Variants in DAAM1 observed in about 807,000 individuals in gnomAD.
The protein encoded by DAAM1 is dishevelled associated activator of morphogenesis 1.
In DAAM1, 52 loss-of-function variants were observed where a neutral mutation model predicts 130.0. The ratio of observed to expected loss-of-function variants is 0.40; its 90% confidence interval spans 0.32 to 0.50. The LOEUF (loss-of-function observed/expected upper bound fraction) is 0.50. Among genes scored for constraint, DAAM1 ranks in the 20% least tolerant of loss-of-function variants. The pLI is 0.61. For missense variants in DAAM1, 1,134 were observed against 1,303.8 expected (o/e 0.87, Z 2.01); for synonymous variants, 452 against 444.5 (o/e 1.02, Z -0.21).
chr14:59,319,958 C>T (rs1019534112), intron 4 of DAAM1, among the ~76,000 whole-genome samples: 1 of 151,986 alleles, frequency 6.6e-6, no homozygotes, highest in Non-Finnish European at 1.5e-5. Flanking sequence ...ACTCCATATC[C>T]TGATTTCTAA....
intron 16 of DAAM1, among the ~76,000 whole-genome samples, chr14:59,343,989 A>G (rs775146583): frequency 2.6e-5 from 4 of 152,218 alleles, no homozygotes; most frequent in Non-Finnish European, 5.9e-5. Context: ...CATGGGTGAC[A>G]TGTAGCAATT....
At chr14:59,233,876 A>G (rs1166753338) in intron 1 of DAAM1, among the ~76,000 whole-genome samples, 2 of 152,172 alleles carry the variant, frequency 1.3e-5, no homozygotes, top group Non-Finnish European at 2.9e-5. Flanking sequence ...AGCACAATTT[A>G]TCAGATAGAG....
chr14:59,268,389 C>T (rs1882558216), intron 2 of DAAM1, among the ~76,000 whole-genome samples: 2 of 152,194 alleles, frequency 1.3e-5, no homozygotes, highest in Admixed American at 1.3e-4. Flanking sequence ...CATATGGTAA[C>T]ACTGTGTTGA....
At chr14:59,364,580 C>T (rs1481423039) in intron 23 of DAAM1, among the ~76,000 whole-genome samples, 2 of 152,116 alleles carry the variant, frequency 1.3e-5, no homozygotes, top group African/African-American at 4.8e-5. Context: ...CACTCTTCCC[C>T]ACCCCATTGG....
In DAAM1 at chr14:59,323,006, AAAGGCGTTAATGAAC is replaced by A; in HGVS notation, c.558_572del (p.Lys186_Asn190del). 6.2e-7 allele frequency: 1 copy of A among 1,614,164 alleles called. No homozygotes were observed. The highest frequency in any genetic ancestry group is 8.5e-7 in the Non-Finnish European group (1 of 1,180,022). On this transcript the variant is annotated inframe_deletion, in exon 6 of 25. Transcript: ENST00000360909. The stretch of plus-strand genomic sequence containing the variant: ...TACATACTTCTCTCATTGGCTGTAT[AAAGGCGTTAATGAAC>A]AACTCTCAAGGCCGGGCTCACGTCC...
intron 22 of DAAM1, 98 bp downstream of exon 22, chr14:59,360,960 C>T (rs1886683320): frequency 2.1e-6 from 2 of 973,958 alleles, no homozygotes; most frequent in Non-Finnish European, 1.5e-6. Flanking sequence ...TGTGGTATGC[C>T]CGGGATAAAC....
chr14:59,275,841 AC>A (rs1435910355), intron 2 of DAAM1, among the ~76,000 whole-genome samples: 2 of 152,202 alleles, frequency 1.3e-5, no homozygotes, highest in Admixed American at 1.3e-4. Flanking sequence ...TCAAATGAAA[AC>A]ATGTCTATCA....
intron 12 of DAAM1, among the ~76,000 whole-genome samples, chr14:59,330,215 C>T (rs1885371145): frequency 6.6e-6 from 1 of 152,182 alleles, no homozygotes; most frequent in Admixed American, 6.5e-5. Flanking sequence ...CATTCTCCTC[C>T]ACAAGAAGTC....
Position 59,330,591 on chromosome 14 carries a change from A to G in DAAM1, c.1463A>G (p.Asn488Ser). 6.2e-7 allele frequency: 1 copy of G among 1,614,104 alleles called. No individual in the cohort carries two copies. The highest frequency in any genetic ancestry group is 8.5e-7 in the Non-Finnish European group (1 of 1,179,992). Reference protein sequence around the residue: ...QEKEEMMQTLNKMKEKLEKET... With the variant: ...QEKEEMMQTLSKMKEKLEKET... ...AAGGAAGAGATGATGCAGACCTTAA[A>G]TAAAATGAAAGAGAAACTTGAAAAG... Residue 488 changes from asparagine (N) to serine (S), a missense_variant, in exon 13 of 25, where the codon AAT becomes AGT. Physicochemically the swap from Asn to Ser is conservative, Grantham distance 46 (BLOSUM62 1). This residue lies in a region of DAAM1 where 391 missense variants were observed against 521.6 expected (regional missense o/e 0.75). Transcript: ENST00000360909.
In DAAM1 at chr14:59,363,672, C is replaced by T. The variant is rs1886800523; in HGVS notation, c.2716C>T (p.Gln906Ter). The change falls in exon 23 of 25, where the codon CAG becomes TAG. Residue 906 changes from glutamine (Q) to a stop codon, truncating the protein, a stop_gained. Coordinates refer to ENST00000360909, the MANE Select transcript of DAAM1 (RefSeq NM_001270520.2). LOFTEE classifies it high-confidence loss of function. The part of the protein sequence containing the change: ...VETELEYQKS[Q>*]PPQPGDKFVS... Reference sequence around the variant, plus strand: ...TAAGGAGCTGGAATATCAGAAGTCTCAGCCCCCACAGCCCGGAGATAAGTT... The same window carrying T: ...TAAGGAGCTGGAATATCAGAAGTCTTAGCCCCCACAGCCCGGAGATAAGTT... 6.2e-7 allele frequency: 1 copy of T among 1,613,950 alleles called. No individual in the cohort carries two copies. Among genetic ancestry groups the T allele is most frequent in the Admixed American group, 1.7e-5 (1 of 59,992 alleles).
At chr14:59,309,976 T>G (rs7145041) in intron 3 of DAAM1, among the ~76,000 whole-genome samples, 64,005 of 151,684 alleles carry the variant, frequency 0.42, 13,726 homozygotes, top group East Asian at 0.56. Flanking sequence ...ATAAACTATT[T>G]TGGCCTATCT....
chr14:59,210,736 T>C lies in DAAM1; in HGVS notation c.-38+21968T>C, dbSNP rs367686711. Among the ~76,000 whole-genome samples the C allele has an allele frequency of 3.3e-5, 5 of 152,320 alleles. No homozygotes were observed. The East Asian group carries it at 7.7e-4, about 23-fold the overall frequency. Reference sequence around the variant, plus strand: ...CTTAATCTTAGTAGTTTTCTGCTGATGGTGTGACTGCTACAAAGAAGGCTT... The same window carrying C: ...CTTAATCTTAGTAGTTTTCTGCTGACGGTGTGACTGCTACAAAGAAGGCTT... On this transcript the variant is annotated intron_variant, in intron 1 of 24. Transcript: ENST00000360909.
chr14:59,302,089 A>T (rs1358880077), intron 3 of DAAM1, among the ~76,000 whole-genome samples: 1 of 152,238 alleles, frequency 6.6e-6, no homozygotes, highest in African/African-American at 2.4e-5. Flanking sequence ...ATTAGGAAAG[A>T]TGAACAGGTA....
chr14:59,210,004 T>G (rs555728049), intron 1 of DAAM1, among the ~76,000 whole-genome samples: 1 of 152,162 alleles, frequency 6.6e-6, no homozygotes, highest in Admixed American at 6.5e-5. Flanking sequence ...GGCATGGTGG[T>G]ACACACCTGT....
intron 3 of DAAM1, among the ~76,000 whole-genome samples, chr14:59,292,345 C>T (rs1402185327): frequency 2.0e-5 from 3 of 152,158 alleles, no homozygotes; most frequent in Non-Finnish European, 4.4e-5. Context: ...AACCAATATG[C>T]AGCTTGGGAC....
At chr14:59,353,760 G>T in intron 18 of DAAM1, 116 bp from the exon 19 acceptor site, 2 of 846,388 alleles carry the variant, frequency 2.4e-6, no homozygotes, top group South Asian at 3.3e-5. Context: ...ATGTGTGTCG[G>T]GGGAGTGGGT....
At chr14:59,218,282 G>C (rs547126751) in intron 1 of DAAM1, among the ~76,000 whole-genome samples, 9 of 152,326 alleles carry the variant, frequency 5.9e-5, no homozygotes, top group African/African-American at 1.9e-4. Flanking sequence ...ACTGGACAAT[G>C]CTGACTGTAA....
chr14:59,327,240 C>T (rs967995031), intron 12 of DAAM1, among the ~76,000 whole-genome samples: 1 of 151,924 alleles, frequency 6.6e-6, no homozygotes, highest in African/African-American at 2.4e-5. Context: ...ATAGCATTTG[C>T]TGTTCAGTAT....
At chr14:59,258,436 TAA>T (rs1882009804) in intron 1 of DAAM1, among the ~76,000 whole-genome samples, 1 of 152,168 alleles carries the variant, frequency 6.6e-6, no homozygotes, top group Non-Finnish European at 1.5e-5. Context: ...CCTTCCATCT[TAA>T]GTCTCACCTA....
Sources: gnomAD v4.1 joint callset for allele counts (sites outside exome capture counted in the v4.1 genomes callset) on GRCh38, gnomAD v4.1.1 for gene constraint, gnomAD v4.1.1 regional missense constraint, MANE v1.5 for transcripts, NCBI Gene and HGNC (gene_info 2026-07-23, HGNC 2026-07-21) for gene names.